Variants in INTS7 observed in about 807,000 individuals in gnomAD.
The protein encoded by INTS7 is integrator complex subunit 7.
A neutral mutation model predicts 109.2 loss-of-function variants in INTS7; 46 were observed. That is an observed-to-expected ratio of 0.42 (90% confidence interval 0.33 to 0.54). The LOEUF is 0.54. Ranked by LOEUF, INTS7 falls within the 20% of genes least tolerant of loss-of-function variation. The pLI is 0.07. For synonymous variants in INTS7, 412 were observed against 402.9 expected (o/e 1.02, Z -0.27); for missense variants, 929 against 1,132.4 (o/e 0.82, Z 2.58).
chr1:211,969,013 G>A (rs993340624), intron 13 of INTS7, among the ~76,000 whole-genome samples: 13 of 152,224 alleles, frequency 8.5e-5, no homozygotes, highest in Middle Eastern at 3.4e-3. Flanking sequence ...GGCCAGGTGC[G>A]GTGGCTCACG....
At chr1:212,014,807 G>A (rs1181387449) in intron 4 of INTS7, among the ~76,000 whole-genome samples, 3 of 152,206 alleles carry the variant, frequency 2.0e-5, no homozygotes, top group African/African-American at 7.2e-5. Flanking sequence ...GGCCTCCCGA[G>A]GTGCCGGGAT....
chr1:212,007,210 G>C, intron 6 of INTS7, 40 bp downstream of exon 6: 1 of 1,374,404 alleles, frequency 7.3e-7, no homozygotes, highest in Non-Finnish European at 1.0e-6. Context: ...TAATATGTAA[G>C]TTTACCAAAG....
intron 7 of INTS7, among the ~76,000 whole-genome samples, chr1:212,001,391 T>A (rs1030390060): frequency 2.0e-5 from 3 of 152,140 alleles, no homozygotes; most frequent in Admixed American, 1.3e-4. Flanking sequence ...AGGCACTCAA[T>A]ATTCATGGGT....
intron 7 of INTS7, 51 bp downstream of exon 7, chr1:212,006,583 CTATAT>C (rs1665918967): frequency 2.4e-6 from 2 of 828,458 alleles, no homozygotes; most frequent in Non-Finnish European, 3.4e-6. Flanking sequence ...AAACATTTTA[CTATAT>C]TATAATGTTA....
intron 1 of INTS7, among the ~76,000 whole-genome samples, chr1:212,025,980 AC>A (rs923109662): frequency 9.9e-5 from 15 of 151,942 alleles, no homozygotes; most frequent in African/African-American, 3.6e-4. Flanking sequence ...ACATGGTAAA[AC>A]CCCGTTTAAA....
intron 1 of INTS7, among the ~76,000 whole-genome samples, chr1:212,023,068 G>A (rs1666775663): frequency 6.6e-6 from 1 of 152,134 alleles, no homozygotes; most frequent in African/African-American, 2.4e-5. Flanking sequence ...CCATGTTGCT[G>A]CAAAAGACAT....
chr1:211,965,637 C>T (rs1292472756), intron 16 of INTS7, among the ~76,000 whole-genome samples: 1 of 152,162 alleles, frequency 6.6e-6, no homozygotes, highest in Admixed American at 6.6e-5. Flanking sequence ...AGATCATGTC[C>T]TTGGCAGGAA....
chr1:211,967,941 C>T lies in INTS7; in HGVS notation c.2051G>A (p.Arg684Gln), dbSNP rs964987410. ...AGATGCCTGGTAAAGATCTCCATATCGAGAAGCAAGGCTTCGAAATTCTTC... is the reference window on the plus strand; with the variant it reads ...AGATGCCTGGTAAAGATCTCCATATTGAGAAGCAAGGCTTCGAAATTCTTC... Reference protein sequence around the residue: ...SMEEFRSLASRYGDLYQASFD... With the variant: ...SMEEFRSLASQYGDLYQASFD... The change falls in exon 15 of 20, where the codon CGA (arginine) becomes CAA (glutamine). Residue 684 changes from arginine to glutamine, a missense_variant. Physicochemically the swap from Arg to Gln is conservative, Grantham distance 43. Transcript: ENST00000366994. 1.9e-6 allele frequency: 3 copies of T among 1,608,292 alleles called. No homozygotes were observed. Among genetic ancestry groups the T allele is most frequent in the Non-Finnish European group, 8.5e-7 (1 of 1,177,444 alleles).
chr1:212,016,171 A>C (rs1269704486), intron 4 of INTS7, among the ~76,000 whole-genome samples: 2 of 152,246 alleles, frequency 1.3e-5, no homozygotes, highest in Admixed American at 1.3e-4. Context: ...CAGCATCCAT[A>C]CAAATAATTA....
chr1:212,029,800 T>A (rs1667073372), intron 1 of INTS7, among the ~76,000 whole-genome samples: 1 of 152,078 alleles, frequency 6.6e-6, no homozygotes, highest in African/African-American at 2.4e-5. Flanking sequence ...AATCTATACA[T>A]TAATAAAAGG....
intron 15 of INTS7, among the ~76,000 whole-genome samples, chr1:211,967,336 C>G (rs1255594598): frequency 6.6e-6 from 1 of 151,350 alleles, no homozygotes; most frequent in Non-Finnish European, 1.5e-5. Context: ...CCTGTAATCC[C>G]AGCTACTAGG....
At chr1:211,995,545 G>A (rs575836300) in intron 7 of INTS7, among the ~76,000 whole-genome samples, 73 of 152,344 alleles carry the variant, frequency 4.8e-4, no homozygotes, top group African/African-American at 1.4e-3. Context: ...CAAAATGAAT[G>A]AGGCCAAGGC....
chr1:211,969,398 T>C (rs1345797453), intron 13 of INTS7, among the ~76,000 whole-genome samples: 2 of 151,810 alleles, frequency 1.3e-5, no homozygotes, highest in African/African-American at 4.8e-5. Context: ...TTCCCATCAC[T>C]GGAACCTTGT....
intron 1 of INTS7, among the ~76,000 whole-genome samples, chr1:212,028,014 A>G (rs1350640053): frequency 6.6e-6 from 1 of 152,128 alleles, no homozygotes; most frequent in Non-Finnish European, 1.5e-5. Context: ...TTTAGTAGAG[A>G]CAGGATTTCA....
Position 212,021,217 on chromosome 1 carries a change from G to GA in INTS7, c.95-6_95-5insT. 1.3e-6 allele frequency: 2 copies of GA among 1,580,756 alleles called. No individual in the cohort carries two copies. Among genetic ancestry groups the GA allele is most frequent in the Admixed American group, 2.0e-5 (1 of 51,264 alleles). On this transcript the variant is annotated splice_region_variant and splice_polypyrimidine_tract_variant and intron_variant, in intron 1 of 19. Transcript: ENST00000366994. The stretch of plus-strand genomic sequence containing the variant: ...CAAGTTTGCCAGATCTTAGGCCTAT[G>GA]GAAAAAAAAAAGCACAGAGAGGGAA...
intron 7 of INTS7, among the ~76,000 whole-genome samples, chr1:212,002,883 G>A (rs1394104312): frequency 2.6e-5 from 4 of 152,102 alleles, no homozygotes; most frequent in Non-Finnish European, 5.9e-5. Context: ...ATAATGACTA[G>A]TTCAAAGTGA....
At chr1:211,974,267 G>GAAA (rs67430806) in intron 13 of INTS7, among the ~76,000 whole-genome samples, 1 of 107,032 alleles carries the variant, frequency 9.3e-6, no homozygotes, top group South Asian at 3.2e-4. Flanking sequence ...TCTCTTCCCA[G>GAAA]AAAAAAAAAA....
intron 17 of INTS7, among the ~76,000 whole-genome samples, chr1:211,948,218 T>C (rs145522799): frequency 1.3e-5 from 2 of 152,204 alleles, no homozygotes; most frequent in African/African-American, 2.4e-5. Flanking sequence ...CCATTCCTTA[T>C]TGGGTTCAGG....
chr1:211,982,554 G>T (rs774888409), intron 9 of INTS7, 122 bp downstream of exon 9: 4 of 657,408 alleles, frequency 6.1e-6, no homozygotes, highest in Non-Finnish European at 1.0e-5. Context: ...CACTTTGAAA[G>T]GAGTCAATTT....
Sources: allele counts gnomAD v4.1 joint callset (sites outside exome capture counted in the v4.1 genomes callset), GRCh38; gene constraint gnomAD v4.1.1; transcripts MANE v1.5; gene names NCBI Gene and HGNC (gene_info 2026-07-23, HGNC 2026-07-21).